WDR48: variants seen among roughly 807,000 people sequenced by gnomAD.
WDR48 encodes WD repeat domain 48.
WDR48 carries 22 observed loss-of-function variants against 94.0 expected under a neutral mutation model. The ratio of observed to expected loss-of-function variants is 0.23; its 90% CI spans 0.17 to 0.33. The LOEUF (loss-of-function observed/expected upper bound fraction) is 0.33. WDR48 is among the 10% of genes least tolerant of loss of function. The probability of loss-of-function intolerance (pLI) is 1.00; values close to 1 mark genes in which losing one functional copy is unlikely to be tolerated. For missense variants in WDR48, 541 were observed against 813.8 expected, an observed-to-expected ratio of 0.66 and a Z score of 4.08; for synonymous variants, 278 against 280.5, an observed-to-expected ratio of 0.99 and a Z score of 0.09.
intron 11 of WDR48, among the ~76,000 whole-genome samples, chr3:39,083,217 T>G (rs186870217): frequency 6.6e-6 from 1 of 152,140 alleles, no homozygotes; most frequent in Admixed American, 6.5e-5. Context: ...AAAATTTGAC[T>G]GGATAATCTT....
intron 2 of WDR48, among the ~76,000 whole-genome samples, chr3:39,065,242 G>T (rs530620869): frequency 2.0e-5 from 3 of 152,262 alleles, no homozygotes; most frequent in Admixed American, 1.3e-4. Context: ...TTTCTCAGCC[G>T]TTGGGTTTCC....
intron 12 of WDR48, 54 bp downstream of exon 12, chr3:39,084,316 T>TA: frequency 7.7e-7 from 1 of 1,303,136 alleles, no homozygotes; most frequent in Non-Finnish European, 1.1e-6. Context: ...ATTTTCATTA[T>TA]AGCTTATAAT....
At position 39,084,761 on chromosome 3, in the gene WDR48, A is replaced by AT. The variant is rs1209248064; in HGVS notation, c.1378+27dup. 1.2e-6 allele frequency: 2 copies of AT among 1,601,718 alleles called. No individual in the cohort carries two copies. The highest frequency in any genetic ancestry group is 1.7e-6 in the Non-Finnish European group (2 of 1,171,626). On this transcript the variant is annotated intron_variant, in intron 13 of 18. Coordinates refer to ENST00000302313, the MANE Select transcript of WDR48 (RefSeq NM_020839.4). ...CAAAATGTGAGTTTAAGTGTCCTTC[A>AT]TTTTTTTCCTCCCTTCTAAAGAGAA... is the stretch of plus-strand genomic sequence containing the variant.
At position 39,094,315 on chromosome 3, in the gene WDR48, AT is replaced by A. The variant is rs2035232660; in HGVS notation, c.1938+252del. ...AGAAAAAAGACACATGGTCTTCTTG[AT>A]TTGCAAAAAGCATGTGCCATGTTTA... On this transcript the variant is annotated intron_variant, in intron 18 of 18. Coordinates refer to ENST00000302313, the MANE Select transcript of WDR48 (RefSeq NM_020839.4). 43 of 1,421,830 alleles carry A rather than the reference AT, an allele frequency of 3.0e-5. 3 individuals are homozygous for A. In the South Asian group the frequency reaches 5.7e-4, roughly 19 times the overall value. The allele number at this position is 1,421,830 out of a possible 1,614,324, so 88.1% of individuals were successfully genotyped here.
In WDR48 at chr3:39,084,642, T is replaced by C. The variant is rs1454496284; in HGVS notation, c.1282-3T>C. Reference sequence around the variant, plus strand: ...GATGCCACTAAGTTTTTTCTTTTGATAGATGTTAACTATTACTTTGGATGA... The same window carrying C: ...GATGCCACTAAGTTTTTTCTTTTGACAGATGTTAACTATTACTTTGGATGA... On this transcript the variant is annotated splice_region_variant and splice_polypyrimidine_tract_variant and intron_variant, in intron 12 of 18. Coordinates refer to ENST00000302313, the MANE Select transcript of WDR48 (RefSeq NM_020839.4). The C allele has an allele frequency of 6.2e-7, 1 of 1,612,170 alleles. No individual in the cohort carries two copies. The highest frequency in any genetic ancestry group is 8.5e-7 in the Non-Finnish European group (1 of 1,179,390).
At chr3:39,083,858 G>GCCGACAACTGGGAC (rs2125675526) in intron 11 of WDR48, among the ~76,000 whole-genome samples, 1 of 152,292 alleles carries the variant, frequency 6.6e-6, no homozygotes, top group South Asian at 2.1e-4. Context: ...TGAGAAGATG[G>GCCGACAACTGGGAC]CCGACAACTG....
intron 5 of WDR48, among the ~76,000 whole-genome samples, chr3:39,068,261 T>C (rs2033728100): frequency 6.6e-6 from 1 of 152,204 alleles, no homozygotes; most frequent in Non-Finnish European, 1.5e-5. Context: ...TATACATCTT[T>C]TTTACTTCAG....
At chr3:39,073,802 C>T (rs1164516369) in intron 7 of WDR48, among the ~76,000 whole-genome samples, 1 of 152,156 alleles carries the variant, frequency 6.6e-6, no homozygotes, top group African/African-American at 2.4e-5. Context: ...AAGTGTCCAA[C>T]GCAAAGAGTG....
chr3:39,052,069 T>C lies in WDR48; in HGVS notation c.44T>C (p.Val15Ala). ...CAGAACACAGCAGGGCGGAGGAAAG[T>C]GCAGGTATGGAAGCCCGGTTCCTCG... ...HRQNTAGRRKVQVSYVIRDEV... is the reference protein window; with the variant it reads ...HRQNTAGRRKAQVSYVIRDEV... The change falls in exon 1 of 19, where the codon GTG becomes GCG. Residue 15 changes from valine to alanine, a missense_variant. This residue lies in a region of WDR48 where 90 missense variants were observed against 122.3 expected (regional missense o/e 0.74). Transcript: ENST00000302313. The C allele has an allele frequency of 1.2e-6, 2 of 1,613,738 alleles. No homozygotes were observed. Among genetic ancestry groups the C allele is most frequent in the South Asian group, 1.1e-5 (1 of 91,078 alleles).
chr3:39,068,843 C>T lies in WDR48; in HGVS notation c.554C>T (p.Ser185Leu). 6.3e-7 allele frequency: 1 copy of T among 1,599,534 alleles called. No homozygotes were observed. Among genetic ancestry groups the T allele is most frequent in the Non-Finnish European group, 8.5e-7 (1 of 1,170,286 alleles). ...AATCAACTGGGAACAATCATTGTAT[C>T]AGGGTCCACTGAAAAGGTAAGGAGG... ...AMNQLGTIIV[S>L]GSTEKVLRVW... Residue 185 changes from serine to leucine, a missense_variant, in exon 6 of 19, where the codon TCA (serine) becomes TTA (leucine). Ser to Leu is a moderately radical substitution (Grantham distance 145). Coordinates refer to ENST00000302313, the MANE Select transcript of WDR48 (RefSeq NM_020839.4).
chr3:39,070,947 C>T (rs920291191), intron 7 of WDR48, among the ~76,000 whole-genome samples: 1 of 151,868 alleles, frequency 6.6e-6, no homozygotes, highest in South Asian at 2.1e-4. Flanking sequence ...GTTTTTTGTT[C>T]TTGCGATAGT....
Position 39,057,617 on chromosome 3 carries a change from A to ATTTTAT in WDR48, c.49-5416_49-5411dup, listed in dbSNP as rs141929748. Among the ~76,000 whole-genome samples, 1,518 of 152,132 alleles carry ATTTTAT rather than the reference A, an allele frequency of 1.0e-2. 32 individuals are homozygous for ATTTTAT. Among genetic ancestry groups the ATTTTAT allele is most frequent in the African/African-American group, 0.035 (1,467 of 41,474 alleles). On this transcript the variant is annotated intron_variant, in intron 1 of 18. Coordinates refer to ENST00000302313, the MANE Select transcript of WDR48 (RefSeq NM_020839.4). ...TTCAGAAATAACTGCTGGTTATTTT[A>ATTTTAT]TTTTATTTTTATTTTTATTTTTTTG...
chr3:39,082,406 C>T (rs1025421472), intron 11 of WDR48, among the ~76,000 whole-genome samples: 15 of 151,926 alleles, frequency 9.9e-5, no homozygotes, highest in Admixed American at 8.5e-4. Flanking sequence ...CTCAGCCTCC[C>T]GAGTAGCTGG....
intron 1 of WDR48, among the ~76,000 whole-genome samples, chr3:39,062,638 G>T (rs1040394839): frequency 1.3e-5 from 2 of 152,222 alleles, no homozygotes; most frequent in Non-Finnish European, 2.9e-5. Context: ...CTGGAGCAGA[G>T]ATGAGTGGCC....
intron 1 of WDR48, chr3:39,052,353 G>A (rs1184129034): frequency 1.4e-5 from 6 of 438,638 alleles, no homozygotes; most frequent in South Asian, 9.4e-5. Context: ...TGGACTTGCG[G>A]GGTCGGGATA....
At chr3:39,094,386 T>A in intron 18 of WDR48, 1 of 1,473,214 alleles carries the variant, frequency 6.8e-7, no homozygotes, top group Non-Finnish European at 9.0e-7. Context: ...AACTGTTTTT[T>A]AAATCAAGAT....
At chr3:39,091,518 T>C in intron 16 of WDR48, 107 bp from the exon 17 acceptor site, 2 of 879,358 alleles carry the variant, frequency 2.3e-6, no homozygotes, top group Non-Finnish European at 3.4e-6. Flanking sequence ...AAAGTCACTT[T>C]TAATTGTAAG....
chr3:39,081,258 C>G (rs1490476717), intron 11 of WDR48, among the ~76,000 whole-genome samples: 1 of 152,194 alleles, frequency 6.6e-6, no homozygotes, highest in Non-Finnish European at 1.5e-5. Flanking sequence ...AAGAGATTCA[C>G]TTAATGAACT....
In WDR48 at chr3:39,066,821, C is replaced by A; in HGVS notation, c.427C>A (p.Leu143Ile). The A allele has an allele frequency of 6.2e-7, 1 of 1,613,946 alleles. No homozygotes were observed. Among genetic ancestry groups the A allele is most frequent in the African/African-American group, 1.3e-5 (1 of 75,018 alleles). Residue 143 changes from leucine to isoleucine, a missense_variant, in exon 5 of 19, where the codon CTT (leucine) becomes ATT (isoleucine). Transcript: ENST00000302313. The stretch of plus-strand genomic sequence containing the variant: ...AGCTGGGTTGGACAGACAAATATTC[C>A]TTTGGGATGTGAATACTCTAACAGC... Reference protein sequence around the residue: ...ASAGLDRQIFLWDVNTLTALT... With the variant: ...ASAGLDRQIFIWDVNTLTALT...
Sources: allele counts gnomAD v4.1 joint callset (sites outside exome capture counted in the v4.1 genomes callset), GRCh38; gene constraint gnomAD v4.1.1; regional missense constraint gnomAD v4.1.1; transcripts MANE v1.5; gene names NCBI Gene and HGNC (gene_info 2026-07-23, HGNC 2026-07-21).